RTN4R: variants seen among roughly 807,000 people sequenced by gnomAD.
The protein encoded by RTN4R is reticulon 4 receptor.
In RTN4R, 4 loss-of-function variants were observed where a neutral mutation model predicts 27.7. The ratio of observed to expected loss-of-function variants is 0.14; its 90% confidence interval spans 0.07 to 0.33. The LOEUF (loss-of-function observed/expected upper bound fraction) is 0.33. Among genes scored for constraint, RTN4R ranks in the 10% least tolerant of loss-of-function variants. RTN4R has a pLI of 1.00. For synonymous variants in RTN4R, 290 were observed against 305.6 expected, an observed-to-expected ratio of 0.95 and a Z score of 0.53; for missense variants, 554 against 671.5, an observed-to-expected ratio of 0.83 and a Z score of 1.93.
chr22:20,251,822 CCATCAT>C (rs2051180862), intron 1 of RTN4R, among the ~76,000 whole-genome samples: 1 of 126,616 alleles, frequency 7.9e-6, no homozygotes, highest in Non-Finnish European at 1.7e-5. Context: ...AACACTATCA[CCATCAT>C]TATCATCATC....
intron 1 of RTN4R, among the ~76,000 whole-genome samples, chr22:20,261,282 G>C (rs568161080): frequency 9.9e-4 from 151 of 152,276 alleles, no homozygotes; most frequent in African/African-American, 3.3e-3. Flanking sequence ...GGAGGTGAGG[G>C]ACCTGCCACC....
rs538860275 is a variant in RTN4R, at chr22:20,267,146, G to A, written c.22+925C>T. 4.6e-5 allele frequency among the ~76,000 whole-genome samples: 7 copies of A among 152,390 alleles called. No homozygotes were observed. The East Asian group carries it at 1.3e-3, about 29-fold the overall frequency. Reference sequence around the variant, plus strand: ...AGATATGCACCCTCAGAGTCCGTGTGTGCACCCAGTGTTTGTGCATGTGCA... The same window carrying A: ...AGATATGCACCCTCAGAGTCCGTGTATGCACCCAGTGTTTGTGCATGTGCA... On this transcript the variant is annotated intron_variant, in intron 1 of 1. Transcript: ENST00000043402.
intron 1 of RTN4R, among the ~76,000 whole-genome samples, chr22:20,253,206 G>T (rs187660164): frequency 3.0e-4 from 46 of 152,356 alleles, no homozygotes; most frequent in Admixed American, 2.9e-3. Context: ...CCCACCTGGA[G>T]CCACTTCCTC....
Position 20,248,658 on chromosome 22 carries a change from C to T in RTN4R, c.23-5548G>A, listed in dbSNP as rs7290001. 2.8e-3 allele frequency among the ~76,000 whole-genome samples: 427 copies of T among 152,240 alleles called. 3 individuals are homozygous for T. Among genetic ancestry groups the T allele is most frequent in the African/African-American group, 9.8e-3 (408 of 41,552 alleles). The stretch of plus-strand genomic sequence containing the variant: ...CGAGGAGCCGGGTCCCAGGCACTCA[C>T]GGTCCAGGGCCAGCTGACCACGGGC... On this transcript the variant is annotated intron_variant, in intron 1 of 1. Transcript: ENST00000043402.
chr22:20,262,763 G>T (rs1453865242), intron 1 of RTN4R, among the ~76,000 whole-genome samples: 1 of 152,214 alleles, frequency 6.6e-6, no homozygotes, highest in Admixed American at 6.5e-5. Context: ...AGGAAGGGTG[G>T]AGCTGCCCAA....
rs530531163 is a variant in RTN4R, at chr22:20,255,093, G to C, written c.23-11983C>G. Among the ~76,000 whole-genome samples the C allele has an allele frequency of 2.0e-5, 3 of 152,338 alleles. No homozygotes were observed. The South Asian group carries it at 6.2e-4, about 32-fold the overall frequency. ...CAACCACTGGCAAAGCCAGGGAACAGAGGCGACAGTGGCTGCCTCCCAGGA... is the reference window on the plus strand; with the variant it reads ...CAACCACTGGCAAAGCCAGGGAACACAGGCGACAGTGGCTGCCTCCCAGGA... On this transcript the variant is annotated intron_variant, in intron 1 of 1. Transcript: ENST00000043402. This position sits in a 1 kb window ranked among gnomAD's most constrained non-coding sequence, Gnocchi z 4.8.
chr22:20,261,351 T>G (rs1654526794), intron 1 of RTN4R, among the ~76,000 whole-genome samples: 1 of 152,102 alleles, frequency 6.6e-6, no homozygotes, highest in African/African-American at 2.4e-5. Flanking sequence ...GCTAGTTTAG[T>G]CCAGGCCAGG....
At chr22:20,261,088 T>C (rs905290379) in intron 1 of RTN4R, among the ~76,000 whole-genome samples, 3 of 151,698 alleles carry the variant, frequency 2.0e-5, no homozygotes, top group Admixed American at 1.3e-4. Flanking sequence ...TGGGGAGGAG[T>C]GGCCCCAGAG....
chr22:20,249,278 G>A, intron 1 of RTN4R: 1 of 515,184 alleles, frequency 1.9e-6, no homozygotes, highest in South Asian at 1.4e-5. Flanking sequence ...CCAGGTCTGG[G>A]CCCAGCACTG....
chr22:20,257,093 C>T (rs9606296), intron 1 of RTN4R, among the ~76,000 whole-genome samples: 16,162 of 152,266 alleles, frequency 0.11, 1,175 homozygotes, highest in South Asian at 0.25. Flanking sequence ...AAATGCTCAC[C>T]ACTAAGGGCA....
At chr22:20,267,793 G>GCATC (rs1283028275) in intron 1 of RTN4R, 1 of 390,758 alleles carries the variant, frequency 2.6e-6, no homozygotes, top group East Asian at 9.0e-5. Context: ...ACTTGGCCCA[G>GCATC]CATCGGGGAC....
At chr22:20,254,047 A>G (rs1045828732) in intron 1 of RTN4R, among the ~76,000 whole-genome samples, 23 of 152,284 alleles carry the variant, frequency 1.5e-4, no homozygotes, top group Admixed American at 8.5e-4. Context: ...CTGAGTACCC[A>G]GTCCTCCACT....
chr22:20,248,279 C>T (rs1490866148), intron 1 of RTN4R, among the ~76,000 whole-genome samples: 2 of 152,240 alleles, frequency 1.3e-5, no homozygotes, highest in Non-Finnish European at 2.9e-5. Context: ...GCCACAGCCC[C>T]AGGGCTAGCG....
intron 1 of RTN4R, chr22:20,243,663 C>T: frequency 2.4e-6 from 1 of 408,374 alleles, no homozygotes; most frequent in Middle Eastern, 8.8e-4. Flanking sequence ...ACCACCCAGG[C>T]AGCCTGCTCC....
At chr22:20,267,312 G>C (rs1198363327) in intron 1 of RTN4R, among the ~76,000 whole-genome samples, 1 of 152,204 alleles carries the variant, frequency 6.6e-6, no homozygotes, top group Non-Finnish European at 1.5e-5. Context: ...GGCACCTGGG[G>C]AGCACCCTCC....
chr22:20,266,813 T>C (rs1330287109), intron 1 of RTN4R, among the ~76,000 whole-genome samples: 7 of 152,210 alleles, frequency 4.6e-5, no homozygotes, highest in Admixed American at 1.3e-4. Context: ...CAAAGAGACA[T>C]GCCTATGTGC....
At chr22:20,246,204 G>A (rs2051140069) in intron 1 of RTN4R, among the ~76,000 whole-genome samples, 1 of 152,200 alleles carries the variant, frequency 6.6e-6, no homozygotes, top group Non-Finnish European at 1.5e-5. Flanking sequence ...CTGCCTGGAA[G>A]GCTCTGAGCT....
chr22:20,254,906 A>G (rs2051203376), intron 1 of RTN4R, among the ~76,000 whole-genome samples: 1 of 152,186 alleles, frequency 6.6e-6, no homozygotes, highest in South Asian at 2.1e-4. Flanking sequence ...GCCATGAAAG[A>G]GAAGGAAGGT....
At chr22:20,243,388 G>C in intron 1 of RTN4R, 1 of 680,478 alleles carries the variant, frequency 1.5e-6, no homozygotes, top group Non-Finnish European at 2.8e-6. Flanking sequence ...AGCCCACTGG[G>C]TCACCAGGGG....
Sources: allele counts gnomAD v4.1 joint callset (sites outside exome capture counted in the v4.1 genomes callset), GRCh38; gene constraint gnomAD v4.1.1; non-coding constraint Gnocchi (gnomAD v3.1); transcripts MANE v1.5; gene names NCBI Gene and HGNC (gene_info 2026-07-23, HGNC 2026-07-21).